ARHGEF28: variants seen among roughly 807,000 people sequenced by gnomAD.
ARHGEF28 encodes 190 kDa guanine nucleotide exchange factor.
In ARHGEF28, 152 loss-of-function variants were observed where a neutral mutation model predicts 206.6. The ratio of observed to expected loss-of-function variants is 0.74; its 90% CI spans 0.64 to 0.84. The LOEUF (loss-of-function observed/expected upper bound fraction) is 0.84, where lower values mean the gene tolerates loss of function less well. Ranked by LOEUF, ARHGEF28 falls within the 40% of genes least tolerant of loss-of-function variation. ARHGEF28 has a pLI of 0.00. For synonymous variants in ARHGEF28, 763 were observed against 776.4 expected (o/e 0.98, Z 0.29); for missense variants, 2,028 against 2,073.2 (o/e 0.98, Z 0.42).
intron 2 of ARHGEF28, among the ~76,000 whole-genome samples, chr5:73,737,439 C>CTTCTTTTCTT (rs71615797): frequency 0.026 from 1,880 of 72,404 alleles, 235 homozygotes; most frequent in East Asian, 0.049. Context: ...AGCCCTCTTC[C>CTTCTTTTCTT]TTCTTTTCTT....
chr5:73,791,141 G>C (rs1339789359), intron 7 of ARHGEF28, among the ~76,000 whole-genome samples: 1 of 152,222 alleles, frequency 6.6e-6, no homozygotes, highest in Non-Finnish European at 1.5e-5. Context: ...ACCAGATGTA[G>C]GTGGAGATGA....
chr5:73,889,414 C>A (rs1761495481), intron 26 of ARHGEF28, among the ~76,000 whole-genome samples: 1 of 152,152 alleles, frequency 6.6e-6, no homozygotes, highest in African/African-American at 2.4e-5. Flanking sequence ...TGGGGCAGAG[C>A]CCAAACCTAC....
chr5:73,643,807 C>T (rs985012174), intron 1 of ARHGEF28, among the ~76,000 whole-genome samples: 1 of 133,454 alleles, frequency 7.5e-6, no homozygotes, highest in African/African-American at 3.3e-5. Context: ...AGGGTGAGGC[C>T]CTGTCTCAAA....
chr5:73,676,969 C>T (rs1246365016), intron 1 of ARHGEF28, among the ~76,000 whole-genome samples: 3 of 152,132 alleles, frequency 2.0e-5, no homozygotes, highest in African/African-American at 7.2e-5. Context: ...ATTAAAAATG[C>T]CATGCTTTAA....
intron 2 of ARHGEF28, among the ~76,000 whole-genome samples, chr5:73,737,527 T>TTTTCTTTTCTTTTCTTTTCTTTTC (rs1561368163): frequency 5.8e-5 from 3 of 51,402 alleles, no homozygotes; most frequent in Non-Finnish European, 1.3e-4. Flanking sequence ...CTTTTCTTTT[T>TTTTCTTTTCTTTTCTTTTCTTTTC]TGTGATGGAG....
At chr5:73,703,539 C>T (rs1336564161) in intron 2 of ARHGEF28, among the ~76,000 whole-genome samples, 1 of 152,080 alleles carries the variant, frequency 6.6e-6, no homozygotes, top group African/African-American at 2.4e-5. Flanking sequence ...CACCTGCTAC[C>T]TTCAAGGAGT....
At chr5:73,709,996 A>G (rs1368705903) in intron 2 of ARHGEF28, among the ~76,000 whole-genome samples, 1 of 152,172 alleles carries the variant, frequency 6.6e-6, no homozygotes, top group Non-Finnish European at 1.5e-5. Context: ...CTGGTTTTTC[A>G]TGCTTATGAA....
chr5:73,808,345 TG>T (rs1400772500), intron 9 of ARHGEF28, among the ~76,000 whole-genome samples: 1 of 152,112 alleles, frequency 6.6e-6, no homozygotes, highest in East Asian at 1.9e-4. Flanking sequence ...CGTGAGTGAG[TG>T]GGACACTGCA....
chr5:73,741,648 C>T (rs1346629892), intron 2 of ARHGEF28, among the ~76,000 whole-genome samples: 1 of 129,554 alleles, frequency 7.7e-6, no homozygotes, highest in African/African-American at 3.2e-5. Context: ...CTCAAACTCC[C>T]GACCACGTGA....
At chr5:73,775,063 G>A (rs1398763781) in intron 5 of ARHGEF28, among the ~76,000 whole-genome samples, 1 of 152,166 alleles carries the variant, frequency 6.6e-6, no homozygotes, top group Non-Finnish European at 1.5e-5. Flanking sequence ...CAAGGGGCAA[G>A]CCTATCTGGA....
At chr5:73,915,884 T>C (rs1015149013) in intron 35 of ARHGEF28, among the ~76,000 whole-genome samples, 1 of 152,228 alleles carries the variant, frequency 6.6e-6, no homozygotes, top group African/African-American at 2.4e-5. Context: ...ATTATGATTT[T>C]GTTATGCATA....
intron 2 of ARHGEF28, among the ~76,000 whole-genome samples, chr5:73,736,683 G>A (rs925147857): frequency 2.6e-5 from 4 of 152,146 alleles, no homozygotes; most frequent in African/African-American, 7.2e-5. Context: ...CATATTTAAT[G>A]TGAGTTAATA....
intron 22 of ARHGEF28, among the ~76,000 whole-genome samples, chr5:73,876,735 G>A (rs1451705101): frequency 0.014 from 2,096 of 147,192 alleles, 25 homozygotes; most frequent in African/African-American, 0.047. Context: ...ATTGATTTGC[G>A]TATATTGAAC....
intron 1 of ARHGEF28, among the ~76,000 whole-genome samples, chr5:73,653,970 C>G (rs1370913127): frequency 6.6e-6 from 1 of 152,232 alleles, no homozygotes; most frequent in African/African-American, 2.4e-5. Context: ...AAAGGGGCCT[C>G]AGTCATAGAG....
intron 16 of ARHGEF28, among the ~76,000 whole-genome samples, chr5:73,863,933 G>T (rs59883728): frequency 6.6e-6 from 1 of 152,140 alleles, no homozygotes; most frequent in East Asian, 1.9e-4. Context: ...GTAGGGCGCA[G>T]CTTCCTGCCC....
At chr5:73,927,211 AAT>A in intron 35 of ARHGEF28, among the ~76,000 whole-genome samples, 1 of 151,962 alleles carries the variant, frequency 6.6e-6, no homozygotes, top group Non-Finnish European at 1.5e-5. Context: ...AAAAAATAAA[AAT>A]AAAAAATAAA....
chr5:73,806,372 C>G (rs1407935185), intron 9 of ARHGEF28, among the ~76,000 whole-genome samples: 2 of 29,732 alleles, frequency 6.7e-5, no homozygotes, highest in Non-Finnish European at 4.8e-5. Context: ...TCTATATATA[C>G]TATATATAGA....
chr5:73,822,129 G>A (rs1756634542), intron 9 of ARHGEF28, among the ~76,000 whole-genome samples: 1 of 152,164 alleles, frequency 6.6e-6, no homozygotes, highest in Admixed American at 6.5e-5. Context: ...GACCCAAAGT[G>A]TACTTGTTAT....
rs541941646 is a variant in ARHGEF28 at position 73,837,750 on chromosome 5, T to G, written c.1147-2730T>G. On this transcript the variant is annotated intron_variant, in intron 10 of 35. Transcript: ENST00000513042. Reference sequence around the variant, plus strand: ...TCCTTTCTTTCTTTCGTTTTGTTTTTTTTTTTTTTGAGACAGAGTCTTCCT... The same window carrying G: ...TCCTTTCTTTCTTTCGTTTTGTTTTGTTTTTTTTTGAGACAGAGTCTTCCT... Among the ~76,000 whole-genome samples the G allele has an allele frequency of 5.4e-4, 78 of 143,444 alleles. 1 individual carries two copies. The highest frequency in any genetic ancestry group is 1.5e-3 in the South Asian group (7 of 4,770). The allele number at this position is 143,444 out of a possible 152,430, so 94.1% of individuals were successfully genotyped here. A position where few individuals can be genotyped will look rare whatever the true frequency, so the allele number is the denominator to read the frequency against.
Sources: allele counts gnomAD v4.1 joint callset (sites outside exome capture counted in the v4.1 genomes callset), GRCh38; gene constraint gnomAD v4.1.1; transcripts MANE v1.5; gene names NCBI Gene and HGNC (gene_info 2026-07-23, HGNC 2026-07-21).